Variants in KIAA0586 observed in about 807,000 individuals in gnomAD.
The protein encoded by KIAA0586 is protein TALPID3.
In KIAA0586, 144 loss-of-function variants were observed where a neutral mutation model predicts 169.8. That is an observed-to-expected ratio of 0.85 (90% CI 0.74 to 0.97). The LOEUF (loss-of-function observed/expected upper bound fraction) is 0.97. Ranked by LOEUF, KIAA0586 falls within the 50% of genes least tolerant of loss-of-function variation. KIAA0586 has a pLI of 0.00. For synonymous variants in KIAA0586, 625 were observed against 612.4 expected, an observed-to-expected ratio of 1.02 and a Z score of -0.30; for missense variants, 1,854 against 1,823.0, an observed-to-expected ratio of 1.02 and a Z score of -0.31.
At chr14:58,494,941 G>T (rs889643540) in intron 26 of KIAA0586, among the ~76,000 whole-genome samples, 1 of 152,118 alleles carries the variant, frequency 6.6e-6, no homozygotes, top group African/African-American at 2.4e-5. Flanking sequence ...AAGAAACAAT[G>T]ACTTTTCTCC....
intron 20 of KIAA0586, 136 bp from the exon 21 acceptor site, chr14:58,482,377 G>C: frequency 1.7e-6 from 1 of 601,296 alleles, no homozygotes; most frequent in Admixed American, 4.0e-5. Flanking sequence ...AGTGAGCCAA[G>C]ATCACATCAT....
chr14:58,485,647 A>G (rs113976981), intron 21 of KIAA0586, among the ~76,000 whole-genome samples: 289 of 152,284 alleles, frequency 1.9e-3, no homozygotes, highest in African/African-American at 6.8e-3. Flanking sequence ...TAGGAGAGAG[A>G]CTTAATTTTC....
In KIAA0586 at chr14:58,445,583, G is replaced by A. The variant is rs1231497840; in HGVS notation, c.807+1408G>A. 7.3e-5 allele frequency among the ~76,000 whole-genome samples: 11 copies of A among 151,372 alleles called. No individual in the cohort carries two copies. In the South Asian group the frequency reaches 8.3e-4, roughly 11 times the overall value. On this transcript the variant is annotated intron_variant, in intron 6 of 30. Transcript: ENST00000652326. Reference sequence around the variant, plus strand: ...CGAGTAGCTGGGATTGCCAGCCTGCGCCACCATGCCCAGCTAATTTTTGTA... The same window carrying A: ...CGAGTAGCTGGGATTGCCAGCCTGCACCACCATGCCCAGCTAATTTTTGTA...
At chr14:58,445,730 G>C (rs889493572) in intron 6 of KIAA0586, among the ~76,000 whole-genome samples, 1 of 148,676 alleles carries the variant, frequency 6.7e-6, no homozygotes, top group Admixed American at 6.7e-5. Context: ...CACTGTGCTC[G>C]GCCTATTTTG....
At chr14:58,497,957 A>G (rs1481538822) in intron 26 of KIAA0586, among the ~76,000 whole-genome samples, 2 of 148,730 alleles carry the variant, frequency 1.3e-5, no homozygotes, top group East Asian at 2.0e-4. Context: ...AGCTCACTGC[A>G]AGCTCCACCT....
In KIAA0586 at chr14:58,498,770, C is replaced by T; in HGVS notation, c.3991-13C>T. 6.3e-7 allele frequency: 1 copy of T among 1,577,066 alleles called. No homozygotes were observed. The highest frequency in any genetic ancestry group is 8.6e-7 in the Non-Finnish European group (1 of 1,165,442). Reference sequence around the variant, plus strand: ...AATATAATGGTTTTAACAATTGTTTCTGCTTTTTAAAGGACTTGGAAAACA... The same window carrying T: ...AATATAATGGTTTTAACAATTGTTTTTGCTTTTTAAAGGACTTGGAAAACA... On this transcript the variant is annotated splice_polypyrimidine_tract_variant and intron_variant, in intron 26 of 30. Coordinates refer to ENST00000652326, the MANE Select transcript of KIAA0586 (RefSeq NM_001329943.3).
At chr14:58,530,042 A>T (rs1042629067) in intron 29 of KIAA0586, among the ~76,000 whole-genome samples, 1 of 152,232 alleles carries the variant, frequency 6.6e-6, no homozygotes, top group East Asian at 1.9e-4. Context: ...CAAAAATCAC[A>T]AGCATTCCTA....
intron 2 of KIAA0586, among the ~76,000 whole-genome samples, chr14:58,430,127 A>G (rs759268438): frequency 6.6e-6 from 1 of 152,004 alleles, no homozygotes; most frequent in Non-Finnish European, 1.5e-5. Context: ...CTTGATCCCT[A>G]AGTAAATGCC....
chr14:58,477,106 C>T lies in KIAA0586; in HGVS notation c.2826-17C>T, dbSNP rs2041696061. 7.4e-7 allele frequency: 1 copy of T among 1,349,508 alleles called. No homozygotes were observed. The highest frequency in any genetic ancestry group is 1.3e-5 in the South Asian group (1 of 78,490). 83.6% of individuals were successfully genotyped at this position (1,349,508 alleles called of 1,614,324 possible). A position where few individuals can be genotyped will look rare whatever the true frequency, so the allele number is the denominator to read the frequency against. ...ATTGAGGAATCTTAACTTTTATCTG[C>T]CCCACCATCCTCTCAGGGTAGAGCA... On this transcript the variant is annotated splice_polypyrimidine_tract_variant and intron_variant, in intron 19 of 30. Coordinates refer to ENST00000652326, the MANE Select transcript of KIAA0586 (RefSeq NM_001329943.3).
At chr14:58,502,175 G>T (rs1038254070) in intron 27 of KIAA0586, among the ~76,000 whole-genome samples, 4 of 151,568 alleles carry the variant, frequency 2.6e-5, no homozygotes, top group African/African-American at 7.3e-5. Flanking sequence ...TCGCTCTGTT[G>T]CCCAGGCTGG....
intron 10 of KIAA0586, among the ~76,000 whole-genome samples, chr14:58,457,018 A>G (rs768616093): frequency 6.6e-6 from 1 of 152,220 alleles, no homozygotes. Flanking sequence ...GGACTGAGCC[A>G]TATAGCCACC....
In KIAA0586 at chr14:58,487,183, T is replaced by C; in HGVS notation, c.3304+17T>C. The C allele has an allele frequency of 6.3e-7, 1 of 1,596,474 alleles. No homozygotes were observed. The highest frequency in any genetic ancestry group is 8.5e-7 in the Non-Finnish European group (1 of 1,169,604). ...CTGAAAAAGGTAGAAACTTTATTTC[T>C]ATAACTCGGTTTTAATTTTAGCAAC... On this transcript the variant is annotated intron_variant, in intron 22 of 30. Coordinates refer to ENST00000652326, the MANE Select transcript of KIAA0586 (RefSeq NM_001329943.3).
chr14:58,499,582 G>A (rs753673707), intron 27 of KIAA0586, among the ~76,000 whole-genome samples: 14 of 150,224 alleles, frequency 9.3e-5, no homozygotes, highest in Admixed American at 4.7e-4. Context: ...TTTTGGAGAC[G>A]GAGTCTTGCT....
chr14:58,495,553 CT>C (rs2043110624), intron 26 of KIAA0586, among the ~76,000 whole-genome samples: 1 of 152,052 alleles, frequency 6.6e-6, no homozygotes, highest in South Asian at 2.1e-4. Flanking sequence ...CTGCCTCAGC[CT>C]TCCAAAGTCC....
At chr14:58,526,945 T>G (rs562733832) in intron 29 of KIAA0586, among the ~76,000 whole-genome samples, 2 of 152,156 alleles carry the variant, frequency 1.3e-5, no homozygotes, top group East Asian at 3.9e-4. Flanking sequence ...TAAAGGAAGC[T>G]AAGAACCTTG....
At position 58,466,036 on chromosome 14, in the gene KIAA0586, A is replaced by G; in HGVS notation, c.2254+7A>G. 1 of 1,548,452 alleles carries G rather than the reference A, an allele frequency of 6.5e-7. No individual in the cohort carries two copies. The highest frequency in any genetic ancestry group is 1.4e-5 in the African/African-American group (1 of 72,766). On this transcript the variant is annotated splice_region_variant and intron_variant, in intron 15 of 30. Coordinates refer to ENST00000652326, the MANE Select transcript of KIAA0586 (RefSeq NM_001329943.3). Reference sequence around the variant, plus strand: ...CCTATGGCAATTCTTTTAGGTAAGAATCAACAAAATATGTGGGATGGATTT... The same window carrying G: ...CCTATGGCAATTCTTTTAGGTAAGAGTCAACAAAATATGTGGGATGGATTT...
intron 18 of KIAA0586, among the ~76,000 whole-genome samples, chr14:58,473,578 T>C (rs959405434): frequency 5.3e-5 from 8 of 152,156 alleles, no homozygotes; most frequent in Non-Finnish European, 1.2e-4. Context: ...TATTTTGCAT[T>C]GTTATAAAGG....
rs952241973 is a variant in KIAA0586 at position 58,432,809 on chromosome 14, C to A, written c.410+352C>A. ...CTCGGCTCACTGCAACCTCTGCCTC[C>A]CAGGTTCAAGCAATCTCCTGCCTCA... On this transcript the variant is annotated intron_variant, in intron 4 of 30. Coordinates refer to ENST00000652326, the MANE Select transcript of KIAA0586 (RefSeq NM_001329943.3). Among the ~76,000 whole-genome samples, 7 of 152,270 alleles carry A rather than the reference C, an allele frequency of 4.6e-5. No individual in the cohort carries two copies. The East Asian group carries it at 1.4e-3, about 29-fold the overall frequency.
intron 7 of KIAA0586, among the ~76,000 whole-genome samples, chr14:58,450,034 CATAATTTTAACT>C (rs1223533318): frequency 6.6e-6 from 1 of 152,200 alleles, no homozygotes; most frequent in African/African-American, 2.4e-5. Context: ...TAGTTGTCTT[CATAATTTTAACT>C]TGTAATGACT....
Sources: allele counts gnomAD v4.1 joint callset (sites outside exome capture counted in the v4.1 genomes callset), GRCh38; gene constraint gnomAD v4.1.1; transcripts MANE v1.5; gene names NCBI Gene and HGNC (gene_info 2026-07-23, HGNC 2026-07-21).